The following POLR1C variants were observed in gnomAD, a reference collection of about 807,000 sequenced individuals.
POLR1C encodes RNA polymerase I and III subunit C, also known as DNA-directed RNA polymerases I and III subunit RPAC1.
POLR1C carries 42 observed loss-of-function variants against 38.3 expected under a neutral mutation model. The observed-to-expected ratio is 1.10, with a 90% CI of 0.86 to 1.42. POLR1C has a LOEUF of 1.42. Ranked by LOEUF, POLR1C falls within the 40% of genes most tolerant of loss-of-function variation. The pLI is 0.00. For missense variants in POLR1C, 507 were observed against 450.5 expected, an observed-to-expected ratio of 1.13 and a Z score of -1.14; for synonymous variants, 163 against 163.9, an observed-to-expected ratio of 0.99 and a Z score of 0.04.
In POLR1C at chr6:43,520,997, G is replaced by C; in HGVS notation, c.871G>C (p.Glu291Gln). ...CTTCAGCAGAGAAATCTTCCGGAAT[G>C]AGAAGCTAAAGAAGGTTGTGAGGCT... ...DTFSREIFRN[E>Q]KLKKVVRLAR... The change falls in exon 8 of 9, where the codon GAG becomes CAG. Residue 291 changes from glutamate (E) to glutamine (Q), a missense_variant. Glu to Gln is a conservative substitution (Grantham distance 29). Transcript: ENST00000642195. The C allele has an allele frequency of 6.2e-7, 1 of 1,614,212 alleles. No individual in the cohort carries two copies.
chr6:43,549,707 G>A, intron 9 of POLR1C: 2 of 1,253,534 alleles, frequency 1.6e-6, no homozygotes, highest in Admixed American at 2.4e-5. Context: ...GAGTATAATG[G>A]AGTAACATTT....
rs1269243880 is a variant in POLR1C at position 43,517,094 on chromosome 6, C to G, written c.-16C>G. ...ACGCGCGAGATAGAACCTCTAGTCT[C>G]GTGGAGAGATTGAAGATGGCGGCTT... On this transcript the variant is annotated 5_prime_UTR_variant, in exon 1 of 9. Transcript: ENST00000642195. 3.1e-6 allele frequency: 5 copies of G among 1,613,448 alleles called. No homozygotes were observed. The highest frequency in any genetic ancestry group is 4.2e-6 in the Non-Finnish European group (5 of 1,179,492).
At chr6:43,532,793 A>G (rs1794063701), downstream of POLR1C, among the ~76,000 whole-genome samples, 1 of 152,218 alleles carries the variant, frequency 6.6e-6, no homozygotes, top group Non-Finnish European at 1.5e-5. Flanking sequence ...ATGACTGCAC[A>G]GTTATTTTCA....
At chr6:43,526,384 T>A (rs955136332), downstream of POLR1C, 29 of 450,030 alleles carry the variant, frequency 6.4e-5, no homozygotes, top group South Asian at 8.2e-4. Context: ...GTAGCTGGGG[T>A]TGCCATTTTT....
intron 10 of POLR1C, chr6:43,558,641 A>G: frequency 1.4e-6 from 2 of 1,396,028 alleles, no homozygotes; most frequent in Non-Finnish European, 1.9e-6. Context: ...GACCCACTGA[A>G]AGAGTTTTTA....
In POLR1C at chr6:43,541,322, T is replaced by C. The variant is rs77301658; in HGVS notation, c.*5-9646T>C. 9.5e-4 allele frequency among the ~76,000 whole-genome samples: 144 copies of C among 152,364 alleles called. 1 individual carries two copies. In the East Asian group the frequency reaches 0.017, roughly 18 times the overall value. On this transcript the variant is annotated intron_variant, in intron 9 of 10. Transcript: ENST00000607635. ...TGAGGGGATGGATACCCCATTTTAATTGATGTGATTATTATTATGCATTGC... is the reference window on the plus strand; with the variant it reads ...TGAGGGGATGGATACCCCATTTTAACTGATGTGATTATTATTATGCATTGC...
exon 9 of POLR1C, chr6:43,529,332 A>AGAGAGC (rs1442979835): frequency 1.7e-6 from 1 of 601,110 alleles, no homozygotes; most frequent in East Asian, 5.5e-5. Context: ...CACGGGGTCA[A>AGAGAGC]GAGAGCGAGA....
chr6:43,546,109 T>G (rs1156671622), intron 9 of POLR1C, among the ~76,000 whole-genome samples: 1 of 152,192 alleles, frequency 6.6e-6, no homozygotes, highest in African/African-American at 2.4e-5. Flanking sequence ...TTCCTTTGTT[T>G]AGCATGTTCA....
chr6:43,538,768 TTTC>T, intron 9 of POLR1C: 1 of 654,306 alleles, frequency 1.5e-6, no homozygotes, highest in Non-Finnish European at 2.5e-6. Context: ...GCACTACATT[TTTC>T]TTTTTTTTTT....
At chr6:43,519,514 G>C in intron 3 of POLR1C, 74 bp downstream of exon 3, 2 of 1,342,096 alleles carry the variant, frequency 1.5e-6, no homozygotes, top group African/African-American at 2.9e-5. Flanking sequence ...AGAATTAAGT[G>C]TCTCAAGCTG....
chr6:43,548,459 G>T (rs1310087769), intron 9 of POLR1C: 2 of 1,543,426 alleles, frequency 1.3e-6, no homozygotes, highest in Non-Finnish European at 1.8e-6. Flanking sequence ...GTCAAAATTG[G>T]GCTACAGATC....
At chr6:43,527,744 AG>A (rs1488537590) in intron 8 of POLR1C, 1 of 1,610,136 alleles carries the variant, frequency 6.2e-7, no homozygotes, top group African/African-American at 1.3e-5. Flanking sequence ...GCAGAAAACC[AG>A]GGGGCCAAGT....
intron 8 of POLR1C, chr6:43,528,988 G>C: frequency 6.8e-7 from 1 of 1,474,866 alleles, no homozygotes; most frequent in Non-Finnish European, 9.3e-7. Context: ...CCAGGTGGTG[G>C]GTTGCACCCC....
At position 43,528,217 on chromosome 6, in the gene POLR1C, C is replaced by G. The variant is rs1460018541; in HGVS notation, c.923-1032C>G. On this transcript the variant is annotated intron_variant, in intron 8 of 8. Transcript: ENST00000304004. ...TTCTGAGAAAGCCTCTGGGAAAACA[C>G]AAAGGAAATAAATGCTAGAATTGGG... 1.3e-6 allele frequency: 2 copies of G among 1,585,360 alleles called. No individual in the cohort carries two copies. Among genetic ancestry groups the G allele is most frequent in the Admixed American group, 3.6e-5 (2 of 55,358 alleles).
chr6:43,525,230 T>G, downstream of POLR1C: 1 of 1,560,900 alleles, frequency 6.4e-7, no homozygotes, highest in South Asian at 1.2e-5. Context: ...CAGGAAAAGA[T>G]GAAGAGTTAC....
rs540973030 is a variant in POLR1C, at chr6:43,526,812, G to A, written c.923-2437G>A. On this transcript the variant is annotated intron_variant, in intron 8 of 8. Coordinates refer to the POLR1C transcript ENST00000304004. Reference sequence around the variant, plus strand: ...ATATACTACCACAACAGCCACCTCAGGCCCACTGATCCCAACCTGTCTCTG... The same window carrying A: ...ATATACTACCACAACAGCCACCTCAAGCCCACTGATCCCAACCTGTCTCTG... 1.2e-5 allele frequency: 19 copies of A among 1,540,906 alleles called. No homozygotes were observed. The East Asian group carries it at 3.9e-4, about 32-fold the overall frequency.
chr6:43,519,358 TG>T lies in POLR1C; in HGVS notation c.169del (p.Asp57MetfsTer25), dbSNP rs751785286. On this transcript the variant is annotated frameshift_variant, in exon 3 of 9. Transcript: ENST00000642195. LOFTEE classifies it high-confidence loss of function. ...EKNFRVDVVH[M>X]DENSLEFDMV... ...AATTTCCGTGTGGATGTAGTACACA[TG>T]GATGAAAACTCACTGGAGTTTGACA... is the stretch of plus-strand genomic sequence containing the variant. The T allele has an allele frequency of 6.2e-7, 1 of 1,612,426 alleles. No homozygotes were observed. Among genetic ancestry groups the T allele is most frequent in the Non-Finnish European group, 8.5e-7 (1 of 1,178,406 alleles).
intron 10 of POLR1C, chr6:43,560,414 CTTTGAAG>C: frequency 7.5e-7 from 1 of 1,328,894 alleles, no homozygotes; most frequent in Non-Finnish European, 9.9e-7. Flanking sequence ...CTGTACAATA[CTTTGAAG>C]CTGTCTCTAC....
chr6:43,524,943 T>G, downstream of POLR1C: 2 of 1,613,770 alleles, frequency 1.2e-6, no homozygotes, highest in Non-Finnish European at 1.7e-6. Flanking sequence ...CGTAACTGCA[T>G]CTGCGAGCAG....
Sources: allele counts gnomAD v4.1 joint callset (sites outside exome capture counted in the v4.1 genomes callset), GRCh38; gene constraint gnomAD v4.1.1; transcripts MANE v1.5; gene names NCBI Gene and HGNC (gene_info 2026-07-23, HGNC 2026-07-21).